Variants in LRRC9 observed in about 807,000 individuals in gnomAD.
LRRC9 encodes the protein leucine-rich repeat-containing protein 9.
A neutral mutation model predicts 63.2 loss-of-function variants in LRRC9; 122 were observed. That is an observed-to-expected ratio of 1.93 (90% CI 1.67 to 2.24). LRRC9 has a LOEUF of 2.24. LRRC9 is among the 30% of genes most tolerant of loss of function. The pLI is 0.00. For missense variants in LRRC9, 1,071 were observed against 627.7 expected (o/e 1.71, Z -7.55); for synonymous variants, 366 against 213.1 (o/e 1.72, Z -6.25).
rs914155998 is a variant in LRRC9 at position 59,938,335 on chromosome 14, G to T, written c.544-55G>T. 3.3e-6 allele frequency: 2 copies of T among 605,964 alleles called. No homozygotes were observed. Among genetic ancestry groups the T allele is most frequent in the Non-Finnish European group, 5.9e-6 (2 of 338,148 alleles). The allele number at this position is 605,964 out of a possible 1,614,324, so 37.5% of individuals were successfully genotyped here. On this transcript the variant is annotated intron_variant, in intron 6 of 31. Transcript: ENST00000445360. The surrounding 1 kb of genome is among the most constrained non-coding windows in gnomAD (Gnocchi z 4.2). Reference sequence around the variant, plus strand: ...GGCTGATCTTAGGTGTTCAAATACTGCCTTTAGAAATGACAGTCACAATTA... The same window carrying T: ...GGCTGATCTTAGGTGTTCAAATACTTCCTTTAGAAATGACAGTCACAATTA...
At chr14:59,991,374 C>T (rs758134427) in intron 17 of LRRC9, among the ~76,000 whole-genome samples, 1 of 152,140 alleles carries the variant, frequency 6.6e-6, no homozygotes, top group South Asian at 2.1e-4. Flanking sequence ...CTCCAGTCTA[C>T]AGCTCCCAGC....
intron 12 of LRRC9, among the ~76,000 whole-genome samples, chr14:59,972,101 TGAA>T (rs1334434215): frequency 2.6e-5 from 4 of 152,120 alleles, no homozygotes; most frequent in Non-Finnish European, 5.9e-5. Flanking sequence ...GTGACCCTAA[TGAA>T]GTATGTAGTC....
chr14:59,975,038 T>TATATATGTGTCACAGC (rs1175133028), intron 13 of LRRC9, among the ~76,000 whole-genome samples: 11 of 61,046 alleles, frequency 1.8e-4, no homozygotes, highest in African/African-American at 4.6e-4. Flanking sequence ...TCACAGCATA[T>TATATATGTGTCACAGC]ATATATATAT....
At chr14:59,944,835 A>AC (rs1460950001) in intron 8 of LRRC9, 91 bp downstream of exon 8, 1 of 548,430 alleles carries the variant, frequency 1.8e-6, no homozygotes, top group Non-Finnish European at 3.2e-6. Context: ...TTATGTATAT[A>AC]CACACATATA....
chr14:59,943,315 G>A (rs1159420510), intron 7 of LRRC9, among the ~76,000 whole-genome samples: 1 of 151,754 alleles, frequency 6.6e-6, no homozygotes, highest in African/African-American at 2.4e-5. Context: ...TTTTTGAGTT[G>A]ATTTTTGTAT....
chr14:59,997,663 T>C, exon 18 of LRRC9: 2 of 695,716 alleles, frequency 2.9e-6, no homozygotes, highest in Middle Eastern at 4.6e-4. Flanking sequence ...CAGTATAACC[T>C]TGAATATTTG....
chr14:59,936,054 C>A lies in LRRC9; in HGVS notation c.544-2336C>A, dbSNP rs770245322. ...GCCTCATACTAGAGGCAGCATAATA[C>A]GGTGGAACATGAAGTTTTGGTGAAA... On this transcript the variant is annotated intron_variant, in intron 6 of 31. Transcript: ENST00000445360. The surrounding 1 kb of genome is among the most constrained non-coding windows in gnomAD (Gnocchi z 4.2). 6.6e-6 allele frequency among the ~76,000 whole-genome samples: 1 copy of A among 152,068 alleles called. No individual in the cohort carries two copies.
chr14:60,025,536 C>A (rs989058208), intron 27 of LRRC9, among the ~76,000 whole-genome samples: 18 of 151,940 alleles, frequency 1.2e-4, no homozygotes, highest in Admixed American at 2.6e-4. Context: ...AGTAGGGCAG[C>A]CTTATTCAGG....
At chr14:59,937,130 A>G (rs2139814979) in intron 6 of LRRC9, among the ~76,000 whole-genome samples, 1 of 151,746 alleles carries the variant, frequency 6.6e-6, no homozygotes. Context: ...TTGAGAATAC[A>G]ATGTTAAACA....
chr14:60,017,273 T>C lies in LRRC9; in HGVS notation c.3317+483T>C, dbSNP rs219389. Among the ~76,000 whole-genome samples, 111,960 of 152,020 alleles carry C rather than the reference T, an allele frequency of 0.74. 43,713 individuals carry two copies. Among genetic ancestry groups the C allele is most frequent in the Non-Finnish European group, 0.87 (58,999 of 67,974 alleles). On this transcript the variant is annotated intron_variant, in intron 24 of 31. Coordinates refer to ENST00000445360, the Ensembl canonical transcript of LRRC9. This position sits in a 1 kb window ranked among gnomAD's most constrained non-coding sequence, Gnocchi z 4.0. ...TAGTCCTTTTCTTTACTGCCCATGA[T>C]ACTTCATACTTCAGAAATTCTGAAA...
intron 17 of LRRC9, among the ~76,000 whole-genome samples, chr14:59,988,548 G>A (rs1050625263): frequency 1.3e-5 from 2 of 152,006 alleles, no homozygotes; most frequent in African/African-American, 2.4e-5. Flanking sequence ...TTTATCTACT[G>A]TTGTACACGC....
rs781075012 is a variant in LRRC9, at chr14:59,960,033, C to G, written c.1079+19C>G. ...TAGATGAGTATGTTTAATTAATTAT[C>G]TAGTTGTTCTGATCTGAAATGGAGA... On this transcript the variant is annotated intron_variant, in intron 9 of 31. Coordinates refer to ENST00000445360, the Ensembl canonical transcript of LRRC9. 1.6e-6 allele frequency: 1 copy of G among 629,808 alleles called. No homozygotes were observed. Among genetic ancestry groups the G allele is most frequent in the Admixed American group, 2.6e-5 (1 of 38,698 alleles). 39.0% of individuals were successfully genotyped at this position (629,808 alleles called of 1,614,324 possible). A position where few individuals can be genotyped will look rare whatever the true frequency, so the allele number is the denominator to read the frequency against.
rs1298373850 is a variant in LRRC9 at position 59,997,853 on chromosome 14, C to A, written c.2403+6C>A. ...AACATAATCCATGGCAAAAGGTATGCCACAGACATGTTACTAAAAAGCAAA... is the reference window on the plus strand; with the variant it reads ...AACATAATCCATGGCAAAAGGTATGACACAGACATGTTACTAAAAAGCAAA... On this transcript the variant is annotated splice_donor_region_variant and intron_variant, in intron 18 of 31. Coordinates refer to ENST00000445360, the Ensembl canonical transcript of LRRC9. 3.0e-6 allele frequency: 2 copies of A among 658,124 alleles called. No individual in the cohort carries two copies. The highest frequency in any genetic ancestry group is 5.5e-6 in the Non-Finnish European group (2 of 360,902). The allele number at this position is 658,124 out of a possible 1,614,324, so 40.8% of individuals were successfully genotyped here.
chr14:59,967,431 T>C (rs1397422386), intron 12 of LRRC9, among the ~76,000 whole-genome samples: 2 of 152,214 alleles, frequency 1.3e-5, no homozygotes, highest in Non-Finnish European at 2.9e-5. Flanking sequence ...CCCTACGTAA[T>C]CCTTCTAGGC....
chr14:60,051,076 C>G lies in LRRC9; in HGVS notation c.3991-1989C>G, dbSNP rs1408130384. On this transcript the variant is annotated intron_variant, in intron 29 of 31. Transcript: ENST00000445360. This position sits in a 1 kb window ranked among gnomAD's most constrained non-coding sequence, Gnocchi z 4.7. Reference sequence around the variant, plus strand: ...AGGAACAGGATCAAGGACACACTTACAGGAGTAGTCTGGCTGCTTTTGGTA... The same window carrying G: ...AGGAACAGGATCAAGGACACACTTAGAGGAGTAGTCTGGCTGCTTTTGGTA... Among the ~76,000 whole-genome samples, 1 of 152,248 alleles carries G rather than the reference C, an allele frequency of 6.6e-6. No individual in the cohort carries two copies. The highest frequency in any genetic ancestry group is 1.5e-5 in the Non-Finnish European group (1 of 68,042).
intron 20 of LRRC9, among the ~76,000 whole-genome samples, chr14:60,002,589 CAG>C (rs1889473933): frequency 6.6e-6 from 1 of 152,006 alleles, no homozygotes; most frequent in Admixed American, 6.6e-5. Flanking sequence ...TACACTTCAA[CAG>C]AGTTGGAAAA....
At chr14:59,994,689 T>C (rs1413190421) in intron 17 of LRRC9, among the ~76,000 whole-genome samples, 1 of 152,130 alleles carries the variant, frequency 6.6e-6, no homozygotes, top group African/African-American at 2.4e-5. Context: ...CCATAAAAAA[T>C]GATGAGTTCA....
chr14:59,994,700 T>C (rs1044214011), intron 17 of LRRC9, among the ~76,000 whole-genome samples: 3 of 152,248 alleles, frequency 2.0e-5, no homozygotes, highest in Non-Finnish European at 2.9e-5. Flanking sequence ...GATGAGTTCA[T>C]GTCCTTTGTA....
At chr14:60,001,502 T>G (rs219367) in intron 19 of LRRC9, among the ~76,000 whole-genome samples, 116,771 of 151,634 alleles carry the variant, frequency 0.77, 47,251 homozygotes, top group Non-Finnish European at 0.89. Context: ...TTTACATGAA[T>G]TTCAAATATG....
Sources: gnomAD v4.1 joint callset for allele counts (sites outside exome capture counted in the v4.1 genomes callset) on GRCh38, gnomAD v4.1.1 for gene constraint, Gnocchi (gnomAD v3.1) non-coding constraint, MANE v1.5 for transcripts, NCBI Gene and HGNC (gene_info 2026-07-23, HGNC 2026-07-21) for gene names.